The following BANK1 variants were observed in gnomAD, a reference collection of about 807,000 sequenced individuals.
BANK1 encodes the protein B-cell scaffold protein with ankyrin repeats.
Under a neutral mutation model 94.5 loss-of-function variants are expected in BANK1, and 95 were observed. The ratio of observed to expected loss-of-function variants is 1.00; its 90% CI spans 0.85 to 1.19. BANK1 has a LOEUF of 1.19. Ranked by LOEUF, BANK1 falls within the 50% of genes most tolerant of loss-of-function variation. BANK1 has a pLI of 0.00. For missense variants in BANK1, 987 were observed against 932.2 expected (o/e 1.06, Z -0.77); for synonymous variants, 334 against 308.4 (o/e 1.08, Z -0.87).
intron 11 of BANK1, among the ~76,000 whole-genome samples, chr4:102,052,275 G>A (rs770293694): frequency 6.6e-5 from 10 of 151,684 alleles, no homozygotes; most frequent in Non-Finnish European, 1.2e-4. Context: ...GTGCTACCAC[G>A]ACCAGCTAAT....
chr4:102,053,487 G>GA (rs1401706177), intron 11 of BANK1, among the ~76,000 whole-genome samples: 4 of 151,998 alleles, frequency 2.6e-5, no homozygotes, highest in Non-Finnish European at 4.4e-5. Flanking sequence ...GTTTATTTGA[G>GA]AAAAAACTTC....
chr4:101,854,485 C>A (rs1727607598), intron 2 of BANK1, among the ~76,000 whole-genome samples: 1 of 152,074 alleles, frequency 6.6e-6, no homozygotes, highest in Non-Finnish European at 1.5e-5. Context: ...GATATAGACA[C>A]TTATTTCCAT....
At chr4:102,070,552 C>A (rs1728725287) in intron 13 of BANK1, among the ~76,000 whole-genome samples, 1 of 152,194 alleles carries the variant, frequency 6.6e-6, no homozygotes, top group African/African-American at 2.4e-5. Context: ...TGCCTGGCAC[C>A]TGTGATCAAT....
At chr4:101,824,839 G>A (rs1313557277) in intron 1 of BANK1, among the ~76,000 whole-genome samples, 2 of 152,040 alleles carry the variant, frequency 1.3e-5, no homozygotes, top group Non-Finnish European at 2.9e-5. Context: ...ATTTGAAGCT[G>A]TGCATATGGA....
intron 2 of BANK1, among the ~76,000 whole-genome samples, chr4:101,836,446 C>T (rs1726831554): frequency 1.3e-5 from 2 of 152,304 alleles, no homozygotes; most frequent in Admixed American, 1.3e-4. Flanking sequence ...TGCCACTGCA[C>T]TCCAACCTGG....
intron 7 of BANK1, among the ~76,000 whole-genome samples, chr4:102,013,473 C>T (rs1216949601): frequency 6.6e-6 from 1 of 152,022 alleles, no homozygotes; most frequent in Non-Finnish European, 1.5e-5. Flanking sequence ...ATCTGAGAGT[C>T]TTCTGTCCCC....
chr4:101,831,585 G>A (rs1033156379), intron 2 of BANK1, among the ~76,000 whole-genome samples: 11 of 152,054 alleles, frequency 7.2e-5, no homozygotes, highest in South Asian at 2.1e-4. Flanking sequence ...AGCAATTCTC[G>A]TGCCTCAGCC....
intron 13 of BANK1, among the ~76,000 whole-genome samples, chr4:102,069,540 CTG>C (rs1282845068): frequency 6.6e-5 from 10 of 152,184 alleles, no homozygotes; most frequent in Non-Finnish European, 1.3e-4. Context: ...GGAGTGATAA[CTG>C]TGGAGAAGTC....
At chr4:101,818,682 G>A (rs940570667) in intron 1 of BANK1, among the ~76,000 whole-genome samples, 1 of 152,004 alleles carries the variant, frequency 6.6e-6, no homozygotes, top group African/African-American at 2.4e-5. Context: ...TACTGTTACA[G>A]TTGTTCTATT....
At chr4:102,013,092 A>G (rs531726394) in intron 7 of BANK1, among the ~76,000 whole-genome samples, 31 of 152,260 alleles carry the variant, frequency 2.0e-4, no homozygotes, top group African/African-American at 6.7e-4. Flanking sequence ...ACTGATTTCA[A>G]GATTTTAGAA....
intron 2 of BANK1, among the ~76,000 whole-genome samples, chr4:101,841,126 T>C (rs961069343): frequency 6.6e-6 from 1 of 152,146 alleles, no homozygotes; most frequent in South Asian, 2.1e-4. Flanking sequence ...GTGCCCAGCC[T>C]AAAATTAAAA....
intron 7 of BANK1, among the ~76,000 whole-genome samples, chr4:101,951,561 C>T (rs546543048): frequency 6.6e-6 from 1 of 152,084 alleles, no homozygotes; most frequent in South Asian, 2.1e-4. Flanking sequence ...TTTTGTAATT[C>T]AAAGGATCTT....
chr4:101,922,055 T>TGTGTGTGTGAGA (rs1491163025), intron 7 of BANK1, among the ~76,000 whole-genome samples: 2 of 144,260 alleles, frequency 1.4e-5, no homozygotes, highest in Admixed American at 1.4e-4. Flanking sequence ...TGTGTGTGTG[T>TGTGTGTGTGAGA]GAGACAGAGA....
intron 7 of BANK1, among the ~76,000 whole-genome samples, chr4:102,010,523 G>A (rs1726474160): frequency 6.6e-6 from 1 of 151,010 alleles, no homozygotes; most frequent in African/African-American, 2.4e-5. Context: ...CTCCCAAGTA[G>A]CTGAGATTAC....
intron 5 of BANK1, among the ~76,000 whole-genome samples, chr4:101,879,200 C>T (rs1021826941): frequency 2.6e-5 from 4 of 151,790 alleles, no homozygotes; most frequent in African/African-American, 4.8e-5. Flanking sequence ...AATTGACAAA[C>T]CTTTAGCAAA....
At chr4:102,057,594 G>A (rs1282982563) in intron 11 of BANK1, among the ~76,000 whole-genome samples, 1 of 152,100 alleles carries the variant, frequency 6.6e-6, no homozygotes, top group Non-Finnish European at 1.5e-5. Context: ...GCCTCCCAAA[G>A]TGCCGGGGTT....
chr4:101,991,254 A>C (rs1163849459), intron 7 of BANK1, among the ~76,000 whole-genome samples: 2 of 152,186 alleles, frequency 1.3e-5, no homozygotes, highest in African/African-American at 4.8e-5. Context: ...ACCCATAAGA[A>C]CCCTTCTCAT....
At position 101,828,386 on chromosome 4, in the gene BANK1, TA is replaced by T. The variant is rs1474782745; in HGVS notation, c.71-1421del. ...TAAGATATGTAGATGAGTGAATTTA[TA>T]TATATATATATATATATATATATCT... On this transcript the variant is annotated intron_variant, in intron 1 of 16. Coordinates refer to ENST00000322953, the MANE Select transcript of BANK1 (RefSeq NM_017935.5). Among the ~76,000 whole-genome samples, 150 of 53,102 alleles carry T rather than the reference TA, an allele frequency of 2.8e-3. 1 individual carries two copies. Among genetic ancestry groups the T allele is most frequent in the African/African-American group, 0.028 (131 of 4,704 alleles). The allele number at this position is 53,102 out of a possible 152,430, so 34.8% of individuals were successfully genotyped here. A position where few individuals can be genotyped will look rare whatever the true frequency, so the allele number is the denominator to read the frequency against.
intron 7 of BANK1, chr4:101,976,778 C>G (rs1229774984): frequency 6.6e-6 from 1 of 152,022 alleles, no homozygotes; most frequent in Non-Finnish European, 1.5e-5. Context: ...GAAAATAAAT[C>G]ATCTGCAAAC....
Sources: gnomAD v4.1 joint callset for allele counts (sites outside exome capture counted in the v4.1 genomes callset) on GRCh38, gnomAD v4.1.1 for gene constraint, MANE v1.5 for transcripts, NCBI Gene and HGNC (gene_info 2026-07-23, HGNC 2026-07-21) for gene names.